Variants in AGTPBP1 observed in about 807,000 individuals in gnomAD.
AGTPBP1 encodes cytosolic carboxypeptidase 1.
Under a neutral mutation model 143.9 loss-of-function variants are expected in AGTPBP1, and 70 were observed. The ratio of observed to expected loss-of-function variants is 0.49; its 90% CI spans 0.40 to 0.59. The LOEUF (loss-of-function observed/expected upper bound fraction) is 0.59. AGTPBP1 is among the 20% of genes least tolerant of loss of function. AGTPBP1 has a pLI of 0.00. For synonymous variants in AGTPBP1, 463 were observed against 500.2 expected (o/e 0.93, Z 0.99); for missense variants, 1,229 against 1,464.5 (o/e 0.84, Z 2.62).
At chr9:85,664,175 C>T (rs969809113) in intron 8 of AGTPBP1, among the ~76,000 whole-genome samples, 10 of 151,996 alleles carry the variant, frequency 6.6e-5, no homozygotes, top group Non-Finnish European at 1.3e-4. Context: ...AGGGGAGAAG[C>T]AAGGGAAGAA....
chr9:85,766,139 A>C, the AGTPBP1 span, among the ~76,000 whole-genome samples: 1 of 152,100 alleles, frequency 6.6e-6, no homozygotes, highest in Non-Finnish European at 1.5e-5. Context: ...AAAAAAAAAA[A>C]AACCCAAAGT....
chr9:85,602,176 A>G (rs902284767), intron 17 of AGTPBP1, among the ~76,000 whole-genome samples: 5 of 152,240 alleles, frequency 3.3e-5, no homozygotes, highest in African/African-American at 1.2e-4. Context: ...AATGCTGGAA[A>G]AGTAATTCAA....
intron 9 of AGTPBP1, 55 bp downstream of exon 9, chr9:85,660,881 T>C (rs963517383): frequency 1.6e-6 from 2 of 1,263,414 alleles, no homozygotes; most frequent in African/African-American, 1.5e-5. Flanking sequence ...TTTAACATAA[T>C]AAATAGAATT....
chr9:85,565,601 T>A (rs942410495), intron 25 of AGTPBP1, among the ~76,000 whole-genome samples: 1 of 152,116 alleles, frequency 6.6e-6, no homozygotes, highest in African/African-American at 2.4e-5. Flanking sequence ...AGGTAAGTGG[T>A]CTCCTAGTTC....
intron 25 of AGTPBP1, among the ~76,000 whole-genome samples, chr9:85,547,769 A>G (rs1193939342): frequency 6.6e-6 from 1 of 152,196 alleles, no homozygotes; most frequent in Non-Finnish European, 1.5e-5. Flanking sequence ...CAGCCCATAT[A>G]CCCACCCCAC....
chr9:85,746,806 G>C (rs186766080), upstream of AGTPBP1, among the ~76,000 whole-genome samples: 1 of 152,042 alleles, frequency 6.6e-6, no homozygotes, highest in Admixed American at 6.5e-5. Context: ...ATGTTAGCTT[G>C]ACTATAGTAA....
chr9:85,596,497 A>G (rs777769474), intron 17 of AGTPBP1, 48 bp from the exon 18 acceptor site: 1 of 1,266,920 alleles, frequency 7.9e-7, no homozygotes, highest in South Asian at 1.5e-5. Context: ...ATAATTTTTC[A>G]ATTAAAAATT....
At chr9:85,624,310 A>G (rs941981163) in intron 14 of AGTPBP1, among the ~76,000 whole-genome samples, 8 of 152,190 alleles carry the variant, frequency 5.3e-5, no homozygotes, top group African/African-American at 1.7e-4. Context: ...GATATAGACC[A>G]GGGTTTGACT....
intron 1 of AGTPBP1, 113 bp downstream of exon 1, chr9:85,741,662 G>C: frequency 1.6e-6 from 2 of 1,252,322 alleles, no homozygotes; most frequent in Non-Finnish European, 2.0e-6. Flanking sequence ...AAGGGGCGCA[G>C]GGATCCGGGG....
chr9:85,795,681 T>C, the AGTPBP1 span, among the ~76,000 whole-genome samples: 1 of 152,040 alleles, frequency 6.6e-6, no homozygotes, highest in Non-Finnish European at 1.5e-5. Flanking sequence ...ACCTAACTTT[T>C]AGGGGTAAGG....
intron 1 of AGTPBP1, among the ~76,000 whole-genome samples, chr9:85,730,351 G>T (rs12002266): frequency 0.011 from 1,685 of 152,054 alleles, 30 homozygotes; most frequent in African/African-American, 0.037. Context: ...TTTTTTATCT[G>T]CCAGCTGACA....
intron 8 of AGTPBP1, among the ~76,000 whole-genome samples, chr9:85,667,895 G>C (rs978552545): frequency 8.3e-6 from 1 of 119,848 alleles, no homozygotes; most frequent in Non-Finnish European, 1.7e-5. Flanking sequence ...GAACAAGCAA[G>C]CCAACTGTAA....
the AGTPBP1 span, among the ~76,000 whole-genome samples, chr9:85,760,191 C>G: frequency 6.6e-6 from 1 of 152,104 alleles, no homozygotes. Flanking sequence ...ACCAGAGGTA[C>G]AAGGAGGAGC....
At chr9:85,579,211 T>C (rs1464205008) in intron 23 of AGTPBP1, 115 bp from the exon 24 acceptor site, 1 of 991,028 alleles carries the variant, frequency 1.0e-6, no homozygotes, top group African/African-American at 1.7e-5. Context: ...CATGTGGATG[T>C]TCTATTATAT....
chr9:85,706,522 A>G (rs563026687), intron 2 of AGTPBP1, among the ~76,000 whole-genome samples: 5 of 150,464 alleles, frequency 3.3e-5, no homozygotes, highest in Non-Finnish European at 7.4e-5. Context: ...AAAAAAAAAA[A>G]AAAAGAAAGA....
chr9:85,729,287 G>A (rs750243702), intron 1 of AGTPBP1, among the ~76,000 whole-genome samples: 1 of 152,102 alleles, frequency 6.6e-6, no homozygotes, highest in Non-Finnish European at 1.5e-5. Flanking sequence ...ACAATACATG[G>A]TAGAAACATA....
At position 85,638,589 on chromosome 9, in the gene AGTPBP1, C is replaced by G. The variant is rs944796016; in HGVS notation, c.1302+4238G>C. On this transcript the variant is annotated intron_variant, in intron 13 of 25. Transcript: ENST00000357081. The stretch of plus-strand genomic sequence containing the variant: ...TTGGTATTTTTAAAATCCAACTATA[C>G]GCTGTTTAAAAAATACACATCGAAG... Among the ~76,000 whole-genome samples, 5 of 151,670 alleles carry G rather than the reference C, an allele frequency of 3.3e-5. No individual in the cohort carries two copies. The Middle Eastern group carries it at 9.9e-3, about 301-fold the overall frequency.
intron 13 of AGTPBP1, among the ~76,000 whole-genome samples, chr9:85,636,974 A>T (rs374699155): frequency 6.6e-6 from 1 of 151,898 alleles, no homozygotes; most frequent in Non-Finnish European, 1.5e-5. Flanking sequence ...CTTACCATAC[A>T]TACCACCCAG....
the AGTPBP1 span, among the ~76,000 whole-genome samples, chr9:85,762,206 A>T: frequency 3.3e-5 from 5 of 152,196 alleles, no homozygotes; most frequent in South Asian, 1.0e-3. Flanking sequence ...TGTGGAAGAC[A>T]GTGTGGCGAT....
Sources: allele counts gnomAD v4.1 joint callset (sites outside exome capture counted in the v4.1 genomes callset), GRCh38; gene constraint gnomAD v4.1.1; transcripts MANE v1.5; gene names NCBI Gene and HGNC (gene_info 2026-07-23, HGNC 2026-07-21).